PAK3: variants seen among roughly 807,000 people sequenced by gnomAD.
PAK3 encodes the protein serine/threonine-protein kinase PAK 3.
In PAK3, 4 loss-of-function variants were observed where a neutral mutation model predicts 41.0. The ratio of observed to expected loss-of-function variants is 0.10; its 90% CI spans 0.05 to 0.22. PAK3 has a LOEUF of 0.22. PAK3 is among the 10% of genes least tolerant of loss of function. The pLI is 1.00. For synonymous variants in PAK3, 146 were observed against 139.6 expected, an observed-to-expected ratio of 1.05 and a Z score of -0.32; for missense variants, 205 against 409.9, an observed-to-expected ratio of 0.50 and a Z score of 4.32.
intron 7 of PAK3, among the ~76,000 whole-genome samples, chrX:111,148,147 TTG>T (rs766964387): frequency 9.2e-4 from 103 of 112,137 alleles, no homozygotes; most frequent in African/African-American, 3.1e-3. Flanking sequence ...GTCACAATTG[TTG>T]TCTCTTTACT....
intron 1 of PAK3, among the ~76,000 whole-genome samples, chrX:110,961,150 TG>T (rs771334840): frequency 9.0e-6 from 1 of 111,512 alleles, no homozygotes; most frequent in African/African-American, 3.3e-5. Context: ...TGGTTTAGGA[TG>T]GGGTCTGGAT....
intron 16 of PAK3, among the ~76,000 whole-genome samples, chrX:111,199,054 G>T (rs2094648672): frequency 9.0e-6 from 1 of 111,350 alleles, no homozygotes; most frequent in Non-Finnish European, 1.9e-5. Context: ...TTCCTGGTTA[G>T]CTGTATTCCT....
intron 16 of PAK3, among the ~76,000 whole-genome samples, chrX:111,209,050 G>A (rs1318088145): frequency 9.0e-6 from 1 of 110,928 alleles, no homozygotes; most frequent in Non-Finnish European, 1.9e-5. Context: ...CAAACAGGTA[G>A]AGAATGATTG....
At chrX:111,049,738 A>C (rs1361032232) in intron 1 of PAK3, among the ~76,000 whole-genome samples, 2 of 112,547 alleles carry the variant, frequency 1.8e-5, no homozygotes, top group Non-Finnish European at 3.8e-5. Flanking sequence ...GAAATGAAAG[A>C]ATAAGTCAGT....
Position 111,224,620 on chromosome X carries a change from A to G in PAK3, c.*4173A>G, listed in dbSNP as rs1306775760. 1 of 112,665 alleles carries G rather than the reference A, an allele frequency of 8.9e-6. No homozygotes were observed. Among genetic ancestry groups the G allele is most frequent in the Non-Finnish European group, 1.9e-5 (1 of 53,347 alleles). 9.3% of individuals were successfully genotyped at this position (112,665 alleles called of 1,213,427 possible). A position where few individuals can be genotyped will look rare whatever the true frequency, so the allele number is the denominator to read the frequency against. Reference sequence around the variant, plus strand: ...TTGGCATTCAGTTATAGTTCTGTTAATTTTGGCTTGGGATGGTCTCCATGT... The same window carrying G: ...TTGGCATTCAGTTATAGTTCTGTTAGTTTTGGCTTGGGATGGTCTCCATGT... On this transcript the variant is annotated 3_prime_UTR_variant, in exon 18 of 18. Transcript: ENST00000372007.
intron 8 of PAK3, chrX:111,152,810 G>A (rs1398262530): frequency 7.5e-6 from 1 of 132,902 alleles, no homozygotes; most frequent in Non-Finnish European, 1.5e-5. Context: ...AAATAATACA[G>A]CGTGTGACTT....
At chrX:111,029,631 G>T (rs1051464984) in intron 1 of PAK3, among the ~76,000 whole-genome samples, 1 of 111,667 alleles carries the variant, frequency 9.0e-6, no homozygotes, top group African/African-American at 3.3e-5. Flanking sequence ...AAGATGAATC[G>T]TCTGTCTGAA....
chrX:111,074,843 G>A (rs975171920), intron 1 of PAK3, among the ~76,000 whole-genome samples: 1 of 111,867 alleles, frequency 8.9e-6, no homozygotes, highest in Non-Finnish European at 1.9e-5. Flanking sequence ...ATGTAAATGA[G>A]GAATTTATTG....
At chrX:111,174,693 A>G (rs1011452885) in intron 11 of PAK3, among the ~76,000 whole-genome samples, 4 of 111,561 alleles carry the variant, frequency 3.6e-5, no homozygotes, top group Non-Finnish European at 7.5e-5. Flanking sequence ...AAGAAACTGA[A>G]TTTATGTGAA....
chrX:110,973,695 A>G (rs2091261536), intron 1 of PAK3, among the ~76,000 whole-genome samples: 1 of 112,088 alleles, frequency 8.9e-6, no homozygotes, highest in Non-Finnish European at 1.9e-5. Flanking sequence ...TAATGACAGG[A>G]TCAAATTCAC....
rs2094953920 is a variant in PAK3, at chrX:111,226,539, A to G, written c.*6092A>G. 1 of 112,501 alleles carries G rather than the reference A, an allele frequency of 8.9e-6. No homozygotes were observed. Among genetic ancestry groups the G allele is most frequent in the South Asian group, 3.7e-4 (1 of 2,698 alleles). 9.3% of individuals were successfully genotyped at this position (112,501 alleles called of 1,213,427 possible). A position where few individuals can be genotyped will look rare whatever the true frequency, so the allele number is the denominator to read the frequency against. On this transcript the variant is annotated 3_prime_UTR_variant, in exon 18 of 18. Coordinates refer to ENST00000372007, the MANE Select transcript of PAK3 (RefSeq NM_002578.5). ...GGCTGAGACTGCTAAGAGTGAACCT[A>G]AACACTTACAAGTTGCAGAGAGAAA...
At chrX:111,055,657 C>G (rs751645348) in intron 1 of PAK3, among the ~76,000 whole-genome samples, 7 of 112,349 alleles carry the variant, frequency 6.2e-5, no homozygotes, top group Non-Finnish European at 1.1e-4. Context: ...ACTTTTCACA[C>G]AGCCTGAGCT....
chrX:111,203,268 C>T (rs1167463775), intron 16 of PAK3, among the ~76,000 whole-genome samples: 1 of 111,973 alleles, frequency 8.9e-6, no homozygotes, highest in Non-Finnish European at 1.9e-5. Flanking sequence ...ACTATAAAAG[C>T]CTAATTGAAG....
intron 1 of PAK3, among the ~76,000 whole-genome samples, chrX:111,062,378 C>T (rs56209093): frequency 5.0e-3 from 563 of 112,000 alleles, no homozygotes; most frequent in Non-Finnish European, 8.8e-3. Flanking sequence ...ATTTGTTAAA[C>T]GTGAATGTAT....
chrX:110,973,213 A>G (rs1246580115), intron 1 of PAK3, among the ~76,000 whole-genome samples: 2 of 111,449 alleles, frequency 1.8e-5, no homozygotes, highest in African/African-American at 6.5e-5. Context: ...AATACAGAGA[A>G]CATCACAAAG....
intron 8 of PAK3, among the ~76,000 whole-genome samples, chrX:111,161,632 T>A (rs774825966): frequency 9.0e-6 from 1 of 111,542 alleles, no homozygotes; most frequent in South Asian, 3.7e-4. Context: ...CCATCTTGAA[T>A]TAATTTTTGT....
intron 1 of PAK3, among the ~76,000 whole-genome samples, chrX:110,978,387 T>G (rs1328778563): frequency 9.0e-6 from 1 of 111,397 alleles, no homozygotes; most frequent in Non-Finnish European, 1.9e-5. Flanking sequence ...TTTTTTTTAT[T>G]GTCAGGAATG....
chrX:111,220,090 A>G (rs1384747669), intron 17 of PAK3, among the ~76,000 whole-genome samples: 1 of 111,184 alleles, frequency 9.0e-6, no homozygotes, highest in African/African-American at 3.3e-5. Flanking sequence ...AGTTTAGGAA[A>G]ATCAGAGAGT....
intron 5 of PAK3, among the ~76,000 whole-genome samples, chrX:111,133,935 T>C (rs769050527): frequency 9.8e-5 from 11 of 112,065 alleles, no homozygotes; most frequent in Non-Finnish European, 2.1e-4. Flanking sequence ...GCCATCCTTT[T>C]TCTTTTCCTG....
Sources: allele counts gnomAD v4.1 joint callset (sites outside exome capture counted in the v4.1 genomes callset), GRCh38; gene constraint gnomAD v4.1.1; transcripts MANE v1.5; gene names NCBI Gene and HGNC (gene_info 2026-07-23, HGNC 2026-07-21).